The following SORCS2 variants were observed in gnomAD, a reference collection of about 807,000 sequenced individuals.
SORCS2 encodes sortilin related VPS10 domain containing receptor 2.
Under a neutral mutation model 141.6 loss-of-function variants are expected in SORCS2, and 100 were observed. The ratio of observed to expected loss-of-function variants is 0.71; its 90% CI spans 0.60 to 0.83. SORCS2 has a LOEUF of 0.83. Ranked by LOEUF, SORCS2 falls within the 40% of genes least tolerant of loss-of-function variation. The pLI is 0.00. For synonymous variants in SORCS2, 789 were observed against 676.9 expected (o/e 1.17, Z -2.57); for missense variants, 1,646 against 1,560.2 (o/e 1.05, Z -0.93).
chr4:7,514,163 C>T (rs879419460), intron 2 of SORCS2, among the ~76,000 whole-genome samples: 2 of 152,120 alleles, frequency 1.3e-5, no homozygotes, highest in Non-Finnish European at 1.5e-5. Flanking sequence ...TGGCATGAAG[C>T]GGGGGCCACT....
Position 7,667,116 on chromosome 4 carries a change from C to T in SORCS2, c.1072-8C>T, listed in dbSNP as rs755197083. 1.2e-6 allele frequency: 2 copies of T among 1,609,720 alleles called. No homozygotes were observed. Among genetic ancestry groups the T allele is most frequent in the Non-Finnish European group, 1.7e-6 (2 of 1,176,308 alleles). On this transcript the variant is annotated splice_region_variant and splice_polypyrimidine_tract_variant and intron_variant, in intron 7 of 26. Transcript: ENST00000507866. ...GCCTCTCAAAAATGTGTTTCTTCCC[C>T]CGGTTAGGCAACATCAGCAAACCAG...
At chr4:7,605,453 A>G (rs948177298) in intron 3 of SORCS2, among the ~76,000 whole-genome samples, 6 of 152,188 alleles carry the variant, frequency 3.9e-5, no homozygotes, top group African/African-American at 1.4e-4. Flanking sequence ...CCAGGGGTGC[A>G]GGGAGAGGAC....
chr4:7,631,781 C>T (rs191617925), intron 3 of SORCS2, among the ~76,000 whole-genome samples: 1 of 152,182 alleles, frequency 6.6e-6, no homozygotes, highest in Non-Finnish European at 1.5e-5. Context: ...CCCTCCCAGC[C>T]CTCCCTTCCC....
intron 1 of SORCS2, among the ~76,000 whole-genome samples, chr4:7,345,497 C>T (rs747627766): frequency 2.0e-5 from 3 of 152,144 alleles, no homozygotes; most frequent in Non-Finnish European, 2.9e-5. Context: ...CTCCAGTGCT[C>T]TTCCAGGCTA....
intron 3 of SORCS2, among the ~76,000 whole-genome samples, chr4:7,534,412 A>G (rs1711938293): frequency 6.6e-6 from 1 of 152,244 alleles, no homozygotes; most frequent in African/African-American, 2.4e-5. Context: ...AGTGCCTGGC[A>G]GAGCCTCACT....
intron 26 of SORCS2, among the ~76,000 whole-genome samples, chr4:7,738,750 G>A (rs902025595): frequency 6.6e-6 from 1 of 152,228 alleles, no homozygotes; most frequent in Admixed American, 6.5e-5. Flanking sequence ...TGAAAGTGAG[G>A]CTCAAAAAGG....
chr4:7,507,068 G>A (rs377114428), intron 2 of SORCS2, among the ~76,000 whole-genome samples: 4 of 152,148 alleles, frequency 2.6e-5, no homozygotes, highest in African/African-American at 9.7e-5. Context: ...TTGTGTTTCT[G>A]AGCATTTATT....
rs76263225 is a variant in SORCS2 at position 7,228,711 on chromosome 4, G to T, written c.480+35585G>T. Among the ~76,000 whole-genome samples the T allele has an allele frequency of 5.8e-3, 877 of 152,328 alleles. 6 individuals carry two copies. Among genetic ancestry groups the T allele is most frequent in the African/African-American group, 0.02 (835 of 41,576 alleles). ...ACTTCAGGACCCGCAGCTTCTCTGT[G>T]GTCAGGGCTTGGGGCCTACGACTCT... On this transcript the variant is annotated intron_variant, in intron 1 of 26. Transcript: ENST00000507866.
At chr4:7,699,905 C>T (rs79830939) in intron 12 of SORCS2, among the ~76,000 whole-genome samples, 4,414 of 152,282 alleles carry the variant, frequency 0.029, 105 homozygotes, top group Middle Eastern at 0.061. Context: ...GAGCCTCTAA[C>T]GAGCCCCTGC....
intron 2 of SORCS2, among the ~76,000 whole-genome samples, chr4:7,492,726 T>G (rs1244533078): frequency 2.6e-5 from 4 of 152,228 alleles, no homozygotes; most frequent in African/African-American, 9.6e-5. Flanking sequence ...AGGAAATGGT[T>G]TTAAAAATGT....
At chr4:7,268,508 C>T (rs142092576) in intron 1 of SORCS2, among the ~76,000 whole-genome samples, 39 of 152,328 alleles carry the variant, frequency 2.6e-4, no homozygotes, top group Middle Eastern at 3.4e-3. Flanking sequence ...CAGGTGCCGT[C>T]GTTAATGAGG....
chr4:7,669,428 A>G (rs34015710), intron 8 of SORCS2, among the ~76,000 whole-genome samples: 26,912 of 152,040 alleles, frequency 0.18, 2,892 homozygotes, highest in African/African-American at 0.29. Context: ...GGGGTCTTCA[A>G]TACCACATCT....
At chr4:7,537,385 G>A (rs113683161) in intron 3 of SORCS2, among the ~76,000 whole-genome samples, 14 of 152,302 alleles carry the variant, frequency 9.2e-5, no homozygotes, top group African/African-American at 3.4e-4. Flanking sequence ...CATCTACCCT[G>A]TGCCCAGGCC....
At chr4:7,394,963 A>C (rs1215970097) in intron 1 of SORCS2, among the ~76,000 whole-genome samples, 7 of 152,136 alleles carry the variant, frequency 4.6e-5, no homozygotes, top group Admixed American at 4.6e-4. Flanking sequence ...GACTATATCA[A>C]ATATGAATCA....
At chr4:7,647,140 G>A (rs984930731) in intron 4 of SORCS2, among the ~76,000 whole-genome samples, 2 of 152,198 alleles carry the variant, frequency 1.3e-5, no homozygotes, top group Non-Finnish European at 2.9e-5. Context: ...CTTGCGCAAA[G>A]GCCTGGAGGT....
chr4:7,489,878 G>C (rs1731213336), intron 2 of SORCS2, among the ~76,000 whole-genome samples: 1 of 152,296 alleles, frequency 6.6e-6, no homozygotes, highest in East Asian at 1.9e-4. Flanking sequence ...ACACTGACAG[G>C]GCTCTGGAGC....
At chr4:7,504,169 C>T (rs542721990) in intron 2 of SORCS2, among the ~76,000 whole-genome samples, 8 of 152,184 alleles carry the variant, frequency 5.3e-5, no homozygotes, top group Non-Finnish European at 1.2e-4. Flanking sequence ...GCTCAGGGAC[C>T]CTTGGGAATC....
intron 1 of SORCS2, among the ~76,000 whole-genome samples, chr4:7,369,575 G>A (rs956476172): frequency 1.3e-5 from 2 of 152,174 alleles, no homozygotes; most frequent in Admixed American, 6.5e-5. Flanking sequence ...ACCCTGTTTG[G>A]AATTTCTGAG....
chr4:7,637,903 T>A (rs1016356546), intron 3 of SORCS2, among the ~76,000 whole-genome samples: 4 of 150,264 alleles, frequency 2.7e-5, no homozygotes, highest in African/African-American at 9.8e-5. Flanking sequence ...GGGTTGAGAG[T>A]GGACCCACCA....
Sources: gnomAD v4.1 joint callset for allele counts (sites outside exome capture counted in the v4.1 genomes callset) on GRCh38, gnomAD v4.1.1 for gene constraint, MANE v1.5 for transcripts, NCBI Gene and HGNC (gene_info 2026-07-23, HGNC 2026-07-21) for gene names.